Variants in ERBB4 observed in about 807,000 individuals in gnomAD.
ERBB4 encodes the protein erb-b2 receptor tyrosine kinase 4.
Under a neutral mutation model 158.0 loss-of-function variants are expected in ERBB4, and 42 were observed. That is an observed-to-expected ratio of 0.27 (90% CI 0.21 to 0.34). The LOEUF is 0.34. Ranked by LOEUF, ERBB4 falls within the 10% of genes least tolerant of loss-of-function variation. The pLI is 1.00. For synonymous variants in ERBB4, 583 were observed against 558.7 expected, an observed-to-expected ratio of 1.04 and a Z score of -0.61; for missense variants, 1,333 against 1,624.1, an observed-to-expected ratio of 0.82 and a Z score of 3.08.
intron 1 of ERBB4, among the ~76,000 whole-genome samples, chr2:212,534,517 G>A (rs2106351817): frequency 6.6e-6 from 1 of 152,280 alleles, no homozygotes; most frequent in Non-Finnish European, 1.5e-5. Context: ...CAATGGAATG[G>A]CTTGTGATTG....
chr2:211,811,691 T>A (rs1298595843), intron 3 of ERBB4, among the ~76,000 whole-genome samples: 2 of 152,226 alleles, frequency 1.3e-5, no homozygotes, highest in Non-Finnish European at 2.9e-5. Context: ...AGTCCCATAT[T>A]TCTCAGAGGC....
intron 1 of ERBB4, among the ~76,000 whole-genome samples, chr2:212,233,963 T>TTTATTTA (rs1553602579): frequency 7.0e-6 from 1 of 143,812 alleles, no homozygotes; most frequent in East Asian, 2.0e-4. Flanking sequence ...CTTTGCATTA[T>TTTATTTA]TTATTATTAT....
At chr2:211,392,253 C>T (rs1360568282) in intron 25 of ERBB4, among the ~76,000 whole-genome samples, 1 of 150,332 alleles carries the variant, frequency 6.7e-6, no homozygotes, top group East Asian at 1.9e-4. Context: ...ATTCCTGATG[C>T]ATGGTTGTAA....
intron 3 of ERBB4, among the ~76,000 whole-genome samples, chr2:211,840,690 T>G (rs1480843680): frequency 1.3e-5 from 2 of 152,120 alleles, no homozygotes; most frequent in African/African-American, 4.8e-5. Flanking sequence ...GTAGACACTG[T>G]GATGATCCAA....
At chr2:211,769,739 G>C (rs1218996856) in intron 4 of ERBB4, among the ~76,000 whole-genome samples, 2 of 152,168 alleles carry the variant, frequency 1.3e-5, no homozygotes, top group Non-Finnish European at 2.9e-5. Context: ...GAAGAACTTG[G>C]AGTCTGATGT....
chr2:212,156,603 C>G (rs2081043489), intron 1 of ERBB4, among the ~76,000 whole-genome samples: 1 of 152,090 alleles, frequency 6.6e-6, no homozygotes. Context: ...GATTGTGCAT[C>G]CTTCTGAACT....
chr2:212,090,010 A>G (rs546405136), intron 2 of ERBB4, among the ~76,000 whole-genome samples: 5 of 152,254 alleles, frequency 3.3e-5, no homozygotes, highest in African/African-American at 7.2e-5. Flanking sequence ...TATCTCCACA[A>G]TGAAGTATGA....
At chr2:211,956,029 A>AGTTGT (rs2081017502) in intron 2 of ERBB4, among the ~76,000 whole-genome samples, 1 of 146,332 alleles carries the variant, frequency 6.8e-6, no homozygotes, top group African/African-American at 2.5e-5. Context: ...TCATCTCTAA[A>AGTTGT]GTGTGTGTGT....
At chr2:212,262,099 G>T (rs1483421702) in intron 1 of ERBB4, among the ~76,000 whole-genome samples, 1 of 151,804 alleles carries the variant, frequency 6.6e-6, no homozygotes, top group African/African-American at 2.4e-5. Context: ...CCACTTTTTG[G>T]CTGTGTACTC....
intron 3 of ERBB4, among the ~76,000 whole-genome samples, chr2:211,832,568 ATGTGTG>A (rs35068304): frequency 6.6e-6 from 1 of 150,390 alleles, no homozygotes; most frequent in Non-Finnish European, 1.5e-5. Flanking sequence ...AAATATATGT[ATGTGTG>A]TGTGTATATA....
At chr2:212,184,789 C>T (rs1470560091) in intron 1 of ERBB4, among the ~76,000 whole-genome samples, 2 of 151,984 alleles carry the variant, frequency 1.3e-5, no homozygotes, top group African/African-American at 2.4e-5. Flanking sequence ...TGAATGCCTC[C>T]AAGAATCAGT....
intron 1 of ERBB4, among the ~76,000 whole-genome samples, chr2:212,509,464 A>G (rs1691384149): frequency 6.6e-6 from 1 of 152,052 alleles, no homozygotes; most frequent in Admixed American, 6.5e-5. Context: ...TAATCACGAT[A>G]GGTTAACAAT....
chr2:211,863,857 T>C (rs1448610176), intron 3 of ERBB4, among the ~76,000 whole-genome samples: 5 of 152,170 alleles, frequency 3.3e-5, no homozygotes, highest in Admixed American at 3.3e-4. Context: ...CTAACATTCA[T>C]AGGTTTCTGT....
chr2:212,095,146 T>C (rs1029699716), intron 2 of ERBB4, among the ~76,000 whole-genome samples: 9 of 152,192 alleles, frequency 5.9e-5, no homozygotes, highest in African/African-American at 1.7e-4. Context: ...GAGAAAAAAG[T>C]CACTAGGCAT....
chr2:211,387,594 T>A (rs2062712861), intron 26 of ERBB4, among the ~76,000 whole-genome samples: 1 of 152,322 alleles, frequency 6.6e-6, no homozygotes, highest in Non-Finnish European at 1.5e-5. Context: ...TTATTATGAA[T>A]TTGAGGCTCT....
chr2:212,222,625 T>TA (rs999205729), intron 1 of ERBB4, among the ~76,000 whole-genome samples: 2 of 151,422 alleles, frequency 1.3e-5, no homozygotes, highest in Admixed American at 6.6e-5. Context: ...GCTTTTTTTT[T>TA]AATCATGATT....
At chr2:212,422,561 C>A (rs916615229) in intron 1 of ERBB4, among the ~76,000 whole-genome samples, 1 of 152,086 alleles carries the variant, frequency 6.6e-6, no homozygotes, top group African/African-American at 2.4e-5. Flanking sequence ...TTCGCAAAGT[C>A]ATCACAATAC....
At chr2:212,191,161 C>A (rs1350380761) in intron 1 of ERBB4, among the ~76,000 whole-genome samples, 1 of 151,954 alleles carries the variant, frequency 6.6e-6, no homozygotes, top group East Asian at 1.9e-4. Context: ...AAATTTTACA[C>A]TATATAAGAA....
At position 211,963,342 on chromosome 2, in the gene ERBB4, A is replaced by T. The variant is rs558564665; in HGVS notation, c.235-15726T>A. On this transcript the variant is annotated intron_variant, in intron 2 of 27. Transcript: ENST00000342788. Reference sequence around the variant, plus strand: ...AAGAATAATCAAGTCCAAAATGTCAAGGTTGATTGACTTATTAATTTGAGG... The same window carrying T: ...AAGAATAATCAAGTCCAAAATGTCATGGTTGATTGACTTATTAATTTGAGG... 6.6e-5 allele frequency among the ~76,000 whole-genome samples: 10 copies of T among 152,258 alleles called. No individual in the cohort carries two copies. The South Asian group carries it at 1.7e-3, about 25-fold the overall frequency.
Sources: gnomAD v4.1 joint callset for allele counts (sites outside exome capture counted in the v4.1 genomes callset) on GRCh38, gnomAD v4.1.1 for gene constraint, MANE v1.5 for transcripts, NCBI Gene and HGNC (gene_info 2026-07-23, HGNC 2026-07-21) for gene names.